The following GNL2 variants were observed in gnomAD, a reference collection of about 807,000 sequenced individuals.
GNL2 encodes the protein nucleolar GTP-binding protein 2.
A neutral mutation model predicts 92.3 loss-of-function variants in GNL2; 51 were observed. The observed-to-expected ratio is 0.55, with a 90% CI of 0.44 to 0.70. The LOEUF (loss-of-function observed/expected upper bound fraction) is 0.70. Among genes scored for constraint, GNL2 ranks in the 30% least tolerant of loss-of-function variants. GNL2 has a pLI of 0.00. For missense variants in GNL2, 844 were observed against 895.6 expected (o/e 0.94, Z 0.74); for synonymous variants, 283 against 300.6 (o/e 0.94, Z 0.61).
At chr1:37,587,628 ATGGTTTCAGTC>A (rs1643864967) in intron 4 of GNL2, 133 bp from the exon 5 acceptor site, 1 of 537,400 alleles carries the variant, frequency 1.9e-6, no homozygotes. Context: ...TCTGTAAGAC[ATGGTTTCAGTC>A]TGGTTTCAAA....
intron 10 of GNL2, 99 bp from the exon 11 acceptor site, chr1:37,574,922 A>G: frequency 1.2e-6 from 1 of 820,872 alleles, no homozygotes; most frequent in Non-Finnish European, 2.0e-6. Context: ...AGACTTCAAC[A>G]TCACAAAGCT....
rs752683186 is a variant in GNL2, at chr1:37,574,418, G to T, written c.1341C>A (p.Val447=). The change falls in exon 12 of 16, where the codon GTC becomes GTA. Residue 447 remains valine, a synonymous_variant. Transcript: ENST00000373062. ...TCCGGCCCCTCTGCCAGTCATTGAG[G>T]ACCATCTTACCCACAGTCTGCAAGT... ...EPDLQTVGKM[V]LNDWQRGRIP... The T allele has an allele frequency of 1.9e-6, 3 of 1,614,032 alleles. No homozygotes were observed. The highest frequency in any genetic ancestry group is 2.5e-6 in the Non-Finnish European group (3 of 1,179,968).
At chr1:37,570,127 C>T (rs913901820) in intron 12 of GNL2, 1 of 152,174 alleles carries the variant, frequency 6.6e-6, no homozygotes, top group African/African-American at 2.4e-5. Context: ...GAAACTTAAT[C>T]CCCAATGCAG....
intron 12 of GNL2, among the ~76,000 whole-genome samples, chr1:37,572,936 G>GA (rs1643617458): frequency 1.3e-5 from 2 of 152,034 alleles, no homozygotes; most frequent in South Asian, 4.2e-4. Context: ...AACTGATATG[G>GA]AAAAAAATTA....
At chr1:37,585,553 G>A (rs1461793273) in intron 5 of GNL2, among the ~76,000 whole-genome samples, 1 of 152,082 alleles carries the variant, frequency 6.6e-6, no homozygotes, top group Non-Finnish European at 1.5e-5. Flanking sequence ...CTAGTCTCTA[G>A]GACATTTACC....
chr1:37,569,616 G>GAT, intron 12 of GNL2: 1 of 262,390 alleles, frequency 3.8e-6, no homozygotes, highest in Non-Finnish European at 7.2e-6. Context: ...GGGGGCTGCT[G>GAT]ATATAAGCAC....
At chr1:37,584,125 T>C (rs1411184008) in intron 5 of GNL2, among the ~76,000 whole-genome samples, 192 bp from the exon 6 acceptor site, 1 of 152,110 alleles carries the variant, frequency 6.6e-6, no homozygotes, top group Non-Finnish European at 1.5e-5. Flanking sequence ...GTGGCACATA[T>C]ATACACAAGA....
intron 12 of GNL2, among the ~76,000 whole-genome samples, chr1:37,572,862 C>T (rs1005328898): frequency 3.9e-5 from 6 of 152,104 alleles, no homozygotes; most frequent in Non-Finnish European, 5.9e-5. Flanking sequence ...GTGCTAACTC[C>T]GGGAGTTAGT....
intron 5 of GNL2, among the ~76,000 whole-genome samples, chr1:37,585,351 G>A (rs1024286781): frequency 3.3e-5 from 5 of 151,968 alleles, no homozygotes; most frequent in African/African-American, 9.7e-5. Context: ...GAGCCACTGC[G>A]TCTGGCCACA....
chr1:37,588,573 C>T (rs1280055571), intron 4 of GNL2, among the ~76,000 whole-genome samples: 3 of 152,158 alleles, frequency 2.0e-5, no homozygotes, highest in Admixed American at 2.0e-4. Context: ...CCAAAATTAT[C>T]CTTCAAAATC....
Position 37,595,896 on chromosome 1 carries a change from C to G in GNL2, c.-74G>C. On this transcript the variant is annotated 5_prime_UTR_variant, in exon 1 of 16. Transcript: ENST00000373062. ...AAACAAACTTTTATGTTCCCAAGCC[C>G]GGCCGAAGACACCCGCCTGAACCAC... is the stretch of plus-strand genomic sequence containing the variant. 1 of 1,293,498 alleles carries G rather than the reference C, an allele frequency of 7.7e-7. No homozygotes were observed. The highest frequency in any genetic ancestry group is 1.2e-5 in the South Asian group (1 of 83,520). 80.1% of individuals were successfully genotyped at this position (1,293,498 alleles called of 1,614,324 possible).
chr1:37,581,151 G>A (rs1057186118), intron 8 of GNL2, among the ~76,000 whole-genome samples: 10 of 152,206 alleles, frequency 6.6e-5, no homozygotes, highest in Non-Finnish European at 1.3e-4. Flanking sequence ...ATCTTAAACT[G>A]GGGGTGAGGG....
chr1:37,590,965 T>A, intron 3 of GNL2, 120 bp from the exon 4 acceptor site: 2 of 847,328 alleles, frequency 2.4e-6, no homozygotes, highest in East Asian at 5.3e-5. Flanking sequence ...GATCCATCCA[T>A]CCCTTGGAGC....
intron 10 of GNL2, 127 bp from the exon 11 acceptor site, chr1:37,574,950 G>A (rs1643655289): frequency 1.5e-6 from 1 of 681,688 alleles, no homozygotes; most frequent in Non-Finnish European, 2.5e-6. Flanking sequence ...ATTGGCAGGA[G>A]CCTGTCTCTG....
Position 37,590,754 on chromosome 1 carries a change from C to T in GNL2, c.336G>A (p.Lys112=), listed in dbSNP as rs373902252. 2.5e-6 allele frequency: 4 copies of T among 1,613,034 alleles called. No homozygotes were observed. The African/African-American group carries it at 5.3e-5, about 22-fold the overall frequency. ...GAAGAGACATTGGTAACTTGCTTTG[C>T]TTCATGACAACTTTGTATGGATCCT... ...VMKDPYKVVM[K]QSKLPMSLLH... The change falls in exon 4 of 16, where the codon AAG becomes AAA. Residue 112 remains lysine, a synonymous_variant. Coordinates refer to ENST00000373062, the MANE Select transcript of GNL2 (RefSeq NM_013285.3).
intron 15 of GNL2, 143 bp downstream of exon 15, chr1:37,567,530 C>T (rs1027686258): frequency 3.1e-5 from 21 of 669,444 alleles, no homozygotes; most frequent in Non-Finnish European, 5.6e-5. Flanking sequence ...GGGCCAGACC[C>T]GACCCTATTT....
intron 8 of GNL2, among the ~76,000 whole-genome samples, chr1:37,577,241 ACC>A (rs530334326): frequency 1.3e-5 from 2 of 151,252 alleles, no homozygotes; most frequent in Non-Finnish European, 2.9e-5. Flanking sequence ...CCCACAACTC[ACC>A]CCCCCTTTTC....
At chr1:37,572,030 C>T (rs1643602145) in intron 12 of GNL2, among the ~76,000 whole-genome samples, 1 of 152,100 alleles carries the variant, frequency 6.6e-6, no homozygotes, top group Non-Finnish European at 1.5e-5. Flanking sequence ...TGTGCTGTTC[C>T]CCTTGCCTGG....
At chr1:37,572,414 A>G (rs1398020724) in intron 12 of GNL2, among the ~76,000 whole-genome samples, 1 of 152,174 alleles carries the variant, frequency 6.6e-6, no homozygotes, top group African/African-American at 2.4e-5. Context: ...GGTCACCAGA[A>G]AGACAAAGCA....
Sources: allele counts gnomAD v4.1 joint callset (sites outside exome capture counted in the v4.1 genomes callset), GRCh38; gene constraint gnomAD v4.1.1; transcripts MANE v1.5; gene names NCBI Gene and HGNC (gene_info 2026-07-23, HGNC 2026-07-21).